The following DHRS12 variants were observed in gnomAD, a reference collection of about 807,000 sequenced individuals.
DHRS12 encodes dehydrogenase/reductase 12, also known as dehydrogenase/reductase SDR family member 12.
DHRS12 carries 29 observed loss-of-function variants against 32.1 expected under a neutral mutation model. The observed-to-expected ratio is 0.90, with a 90% confidence interval of 0.67 to 1.23. The LOEUF (loss-of-function observed/expected upper bound fraction) is 1.23. Ranked by LOEUF, DHRS12 falls within the 50% of genes most tolerant of loss-of-function variation. The pLI is 0.00. For synonymous variants in DHRS12, 150 were observed against 135.9 expected (o/e 1.10, Z -0.72); for missense variants, 330 against 337.2 (o/e 0.98, Z 0.17).
chr13:51,773,808 T>G, intron 6 of DHRS12, 122 bp downstream of exon 6: 4 of 806,486 alleles, frequency 5.0e-6, no homozygotes, highest in Non-Finnish European at 8.2e-6. Flanking sequence ...GAGGGAACAT[T>G]TTCAGGTGCT....
At chr13:51,783,117 C>T (rs1003902511) in intron 4 of DHRS12, among the ~76,000 whole-genome samples, 18 of 152,152 alleles carry the variant, frequency 1.2e-4, no homozygotes, top group African/African-American at 1.7e-4. Context: ...GGCAGAAAAC[C>T]GAAAATCAAT....
rs1019803430 is a variant in DHRS12 at position 51,792,177 on chromosome 13, T to A, written c.127-920A>T. 8.5e-5 allele frequency among the ~76,000 whole-genome samples: 13 copies of A among 152,228 alleles called. No individual in the cohort carries two copies. The East Asian group carries it at 2.5e-3, about 29-fold the overall frequency. On this transcript the variant is annotated intron_variant, in intron 2 of 8. Transcript: ENST00000444610. ...TGAATTTTTTGAGGAACCTCCATACTGTTTTCCATAGAGGCTGCACCATTT... is the reference window on the plus strand; with the variant it reads ...TGAATTTTTTGAGGAACCTCCATACAGTTTTCCATAGAGGCTGCACCATTT...
intron 4 of DHRS12, among the ~76,000 whole-genome samples, chr13:51,786,017 A>C (rs1401322914): frequency 6.6e-6 from 1 of 152,206 alleles, no homozygotes; most frequent in Non-Finnish European, 1.5e-5. Flanking sequence ...TTGTTATGAA[A>C]GCATCTCTGG....
the DHRS12 span, among the ~76,000 whole-genome samples, chr13:51,758,921 C>T: frequency 0.13 from 19,054 of 152,180 alleles, 1,479 homozygotes; most frequent in South Asian, 0.22. Context: ...TGTTGACTCA[C>T]GCCTATAATC....
At chr13:51,801,075 A>G (rs572821526) in intron 1 of DHRS12, among the ~76,000 whole-genome samples, 6 of 152,330 alleles carry the variant, frequency 3.9e-5, no homozygotes, top group Admixed American at 2.6e-4. Context: ...TTATCTCCTC[A>G]TCTGCAGAAA....
intron 4 of DHRS12, among the ~76,000 whole-genome samples, chr13:51,779,056 CCTTTT>C (rs930896144): frequency 2.6e-5 from 4 of 152,064 alleles, no homozygotes; most frequent in African/African-American, 7.2e-5. Context: ...GGCGCATCTC[CCTTTT>C]CTTGAGTCAC....
At chr13:51,794,647 T>C (rs1955430627) in intron 2 of DHRS12, among the ~76,000 whole-genome samples, 1 of 152,186 alleles carries the variant, frequency 6.6e-6, no homozygotes, top group African/African-American at 2.4e-5. Context: ...CCTGTCCCTC[T>C]GTGATCTTTC....
chr13:51,773,068 A>C (rs1019009668), intron 6 of DHRS12: 2 of 985,246 alleles, frequency 2.0e-6, no homozygotes, highest in African/African-American at 3.5e-5. Flanking sequence ...AACTGTAAAT[A>C]TGGAAGTTAT....
chr13:51,804,010 C>T, intron 1 of DHRS12, 44 bp downstream of exon 1: 2 of 1,440,558 alleles, frequency 1.4e-6, no homozygotes, highest in South Asian at 2.7e-5. Context: ...CCGAGGCGGG[C>T]CACGTGACAG....
At chr13:51,759,767 T>G in the DHRS12 span, 1 of 1,614,066 alleles carries the variant, frequency 6.2e-7, no homozygotes, top group Non-Finnish European at 8.5e-7. Context: ...AGTCGTGTCT[T>G]GATGACTCTC....
At chr13:51,759,628 A>G in the DHRS12 span, 1,924 of 858,122 alleles carry the variant, frequency 2.2e-3, 24 homozygotes, top group African/African-American at 0.03. Context: ...ATGTTAGTAT[A>G]GTATGTGGTG....
At chr13:51,796,204 T>G (rs1013249010) in intron 2 of DHRS12, among the ~76,000 whole-genome samples, 2 of 152,128 alleles carry the variant, frequency 1.3e-5, no homozygotes, top group African/African-American at 4.8e-5. Context: ...CTTTTGTGTG[T>G]GGGCTGCCTA....
Position 51,769,299 on chromosome 13 carries a change from A to G in DHRS12, c.560-6T>C. 1 of 1,559,676 alleles carries G rather than the reference A, an allele frequency of 6.4e-7. No individual in the cohort carries two copies. Among genetic ancestry groups the G allele is most frequent in the Non-Finnish European group, 8.7e-7 (1 of 1,150,946 alleles). ...CGGCATCGCCTGCCTCACACCTGGG[A>G]GAAGGAAGGGTCAGGCGGATTAGGA... On this transcript the variant is annotated splice_region_variant and splice_polypyrimidine_tract_variant and intron_variant, in intron 7 of 8. Coordinates refer to ENST00000444610, the MANE Select transcript of DHRS12 (RefSeq NM_001377533.1).
the DHRS12 span, chr13:51,756,555 C>G: frequency 6.8e-7 from 1 of 1,477,322 alleles, no homozygotes. Flanking sequence ...TCAGGTTGCT[C>G]TAGTTTCTGC....
chr13:51,774,093 C>A (rs1047216421), intron 5 of DHRS12, 59 bp from the exon 6 acceptor site: 2 of 1,501,824 alleles, frequency 1.3e-6, no homozygotes, highest in Non-Finnish European at 1.8e-6. Context: ...CCACTCTTCA[C>A]CCCCTGTAGA....
intron 4 of DHRS12, among the ~76,000 whole-genome samples, chr13:51,785,222 T>C (rs957260679): frequency 2.0e-5 from 3 of 152,102 alleles, no homozygotes; most frequent in Admixed American, 1.3e-4. Context: ...AGCGAGACTC[T>C]GTCTCAAAAA....
intron 4 of DHRS12, among the ~76,000 whole-genome samples, chr13:51,778,955 T>C (rs1954574705): frequency 6.6e-6 from 1 of 152,136 alleles, no homozygotes; most frequent in South Asian, 2.1e-4. Context: ...ATATATAAAC[T>C]CTTATTGAAA....
the DHRS12 span, among the ~76,000 whole-genome samples, chr13:51,757,874 T>C: frequency 6.6e-6 from 1 of 151,966 alleles, no homozygotes; most frequent in Non-Finnish European, 1.5e-5. Context: ...GGCAAGTCCT[T>C]CTGAGCTCAA....
At chr13:51,781,003 T>C (rs941956766) in intron 4 of DHRS12, among the ~76,000 whole-genome samples, 1 of 152,222 alleles carries the variant, frequency 6.6e-6, no homozygotes, top group Non-Finnish European at 1.5e-5. Flanking sequence ...CACGCTACTA[T>C]CTGACGGAGA....
Sources: allele counts gnomAD v4.1 joint callset (sites outside exome capture counted in the v4.1 genomes callset), GRCh38; gene constraint gnomAD v4.1.1; transcripts MANE v1.5; gene names NCBI Gene and HGNC (gene_info 2026-07-23, HGNC 2026-07-21).